Variants in NDST1 observed in about 807,000 individuals in gnomAD.
NDST1 encodes bifunctional heparan sulfate N-deacetylase/N-sulfotransferase 1.
A neutral mutation model predicts 92.8 loss-of-function variants in NDST1; 35 were observed. The observed-to-expected ratio is 0.38, with a 90% confidence interval of 0.29 to 0.50. The LOEUF (loss-of-function observed/expected upper bound fraction) is 0.50, where lower values mean the gene tolerates loss of function less well. Among genes scored for constraint, NDST1 ranks in the 20% least tolerant of loss-of-function variants. The pLI is 0.94. For synonymous variants in NDST1, 493 were observed against 500.3 expected (o/e 0.99, Z 0.19); for missense variants, 822 against 1,182.7 (o/e 0.69, Z 4.47).
At chr5:150,500,521 G>A (rs1206625257) in intron 1 of NDST1, among the ~76,000 whole-genome samples, 1 of 152,242 alleles carries the variant, frequency 6.6e-6, no homozygotes, top group Non-Finnish European at 1.5e-5. Context: ...TGGGGCAGGT[G>A]CCAGTGTCTG....
At chr5:150,499,523 C>T (rs1042540661) in intron 1 of NDST1, among the ~76,000 whole-genome samples, 1 of 152,216 alleles carries the variant, frequency 6.6e-6, no homozygotes, top group Non-Finnish European at 1.5e-5. Context: ...TCCCTCGAAG[C>T]ATGGAAGCAT....
chr5:150,540,205 G>C lies in NDST1; in HGVS notation c.1690G>C (p.Val564Leu), dbSNP rs774976739. The C allele has an allele frequency of 6.5e-5, 105 of 1,614,020 alleles. 4 individuals are homozygous for C. The Middle Eastern group carries it at 9.9e-4, about 15-fold the overall frequency. ...CCTCCGGCTGCAGACACTGCCCCCTGTGCAGTTGGCGCAGAAGTACTTCCA... is the reference window on the plus strand; with the variant it reads ...CCTCCGGCTGCAGACACTGCCCCCTCTGCAGTTGGCGCAGAAGTACTTCCA... ...TNLRLQTLPP[V>L]QLAQKYFQIF... Residue 564 changes from valine to leucine, a missense_variant, in exon 8 of 15, where the codon GTG becomes CTG. Coordinates refer to ENST00000261797, the MANE Select transcript of NDST1 (RefSeq NM_001543.5).
Position 150,542,997 on chromosome 5 carries a change from G to A in NDST1, c.1970+26G>A, listed in dbSNP as rs186180595. Reference sequence around the variant, plus strand: ...GTGAGTTGGCCTTTCTGTCCACAGCGGGACGGGAAGGCCATCCTGGGGCCT... The same window carrying A: ...GTGAGTTGGCCTTTCTGTCCACAGCAGGACGGGAAGGCCATCCTGGGGCCT... On this transcript the variant is annotated intron_variant, in intron 10 of 14. Coordinates refer to ENST00000261797, the MANE Select transcript of NDST1 (RefSeq NM_001543.5). The A allele has an allele frequency of 1.2e-5, 19 of 1,613,348 alleles. 1 individual carries two copies. The Admixed American group carries it at 1.3e-4, about 11-fold the overall frequency.
chr5:150,510,232 A>G (rs1753661118), intron 1 of NDST1, among the ~76,000 whole-genome samples: 1 of 152,236 alleles, frequency 6.6e-6, no homozygotes, highest in African/African-American at 2.4e-5. Flanking sequence ...GGCTCCTGGC[A>G]CAGCCCCACA....
rs577700257 is a variant in NDST1 at position 150,509,892 on chromosome 5, T to C, written c.-388+1666T>C. Among the ~76,000 whole-genome samples, 8 of 152,322 alleles carry C rather than the reference T, an allele frequency of 5.3e-5. No individual in the cohort carries two copies. In the South Asian group the frequency reaches 1.7e-3, roughly 32 times the overall value. On this transcript the variant is annotated intron_variant, in intron 1 of 14. Transcript: ENST00000261797. Reference sequence around the variant, plus strand: ...AGTCCTGCCTTGCTGGGTTCCATGGTGCACCTCTCTGCAGTGCAGGCTTTC... The same window carrying C: ...AGTCCTGCCTTGCTGGGTTCCATGGCGCACCTCTCTGCAGTGCAGGCTTTC...
intron 9 of NDST1, among the ~76,000 whole-genome samples, chr5:150,542,631 T>C (rs996901025): frequency 6.6e-6 from 1 of 152,230 alleles, no homozygotes; most frequent in African/African-American, 2.4e-5. Flanking sequence ...ATGTCCGTAG[T>C]AGGTACAGGA....
chr5:150,540,895 A>T (rs1394665730), intron 8 of NDST1, among the ~76,000 whole-genome samples: 1 of 152,226 alleles, frequency 6.6e-6, no homozygotes, highest in Non-Finnish European at 1.5e-5. Context: ...AGGCTCTTAG[A>T]TAATCTCTTG....
chr5:150,544,707 T>A (rs920472892), intron 10 of NDST1, among the ~76,000 whole-genome samples: 1 of 152,220 alleles, frequency 6.6e-6, no homozygotes, highest in Non-Finnish European at 1.5e-5. Context: ...CAGAGGTTCC[T>A]TCATCCAGAG....
intron 3 of NDST1, 37 bp from the exon 4 acceptor site, chr5:150,532,908 T>A (rs1231637610): frequency 6.3e-7 from 1 of 1,587,332 alleles, no homozygotes; most frequent in Non-Finnish European, 8.7e-7. Flanking sequence ...GCTCCTGGCT[T>A]TCCCTCACTC....
intron 1 of NDST1, among the ~76,000 whole-genome samples, chr5:150,520,513 C>T (rs545504632): frequency 4.6e-4 from 70 of 152,288 alleles, no homozygotes; most frequent in African/African-American, 1.4e-3. Context: ...TCTCCCCATC[C>T]GTCCTGCTCC....
intron 5 of NDST1, 93 bp from the exon 6 acceptor site, chr5:150,535,607 C>A: frequency 6.7e-7 from 1 of 1,488,064 alleles, no homozygotes; most frequent in Non-Finnish European, 9.4e-7. Flanking sequence ...CCGACCTAAC[C>A]TCTGATTTCT....
chr5:150,532,015 A>G (rs982604213), intron 3 of NDST1, among the ~76,000 whole-genome samples: 1 of 152,162 alleles, frequency 6.6e-6, no homozygotes, highest in African/African-American at 2.4e-5. Flanking sequence ...GCAAAGAGAA[A>G]TCCTCCACAT....
At chr5:150,538,166 T>A (rs1407431232) in intron 6 of NDST1, among the ~76,000 whole-genome samples, 2 of 152,080 alleles carry the variant, frequency 1.3e-5, no homozygotes, top group African/African-American at 4.8e-5. Context: ...CTGGCTGTGT[T>A]TGAAGGCCAA....
chr5:150,539,533 G>T, intron 7 of NDST1, 177 bp downstream of exon 7: 1 of 1,479,426 alleles, frequency 6.8e-7, no homozygotes, highest in Non-Finnish European at 8.9e-7. Flanking sequence ...CTTGGCTAAA[G>T]AATCCGAGCA....
rs77013433 is a variant in NDST1 at position 150,542,996 on chromosome 5, C to T, written c.1970+25C>T. On this transcript the variant is annotated intron_variant, in intron 10 of 14. Transcript: ENST00000261797. ...GGTGAGTTGGCCTTTCTGTCCACAG[C>T]GGGACGGGAAGGCCATCCTGGGGCC... 1,574 of 1,613,236 alleles carry T rather than the reference C, an allele frequency of 9.8e-4. 27 individuals are homozygous for T. In the East Asian group the frequency reaches 0.023, roughly 24 times the overall value.
chr5:150,526,593 G>C (rs1247738566), intron 2 of NDST1, among the ~76,000 whole-genome samples: 1 of 152,316 alleles, frequency 6.6e-6, no homozygotes, highest in East Asian at 1.9e-4. Context: ...ACCTTAAGGG[G>C]TTGCAGGCTG....
chr5:150,542,258 C>T (rs755405590), intron 9 of NDST1, among the ~76,000 whole-genome samples: 1 of 152,186 alleles, frequency 6.6e-6, no homozygotes, highest in Non-Finnish European at 1.5e-5. Context: ...TCCTTCTCTT[C>T]TGGGCTCTCT....
chr5:150,523,890 T>C (rs1403166786), intron 2 of NDST1, among the ~76,000 whole-genome samples: 4 of 152,220 alleles, frequency 2.6e-5, no homozygotes, highest in African/African-American at 9.7e-5. Context: ...AGGACAAGAC[T>C]ATCCTTGGTT....
chr5:150,539,109 C>A, intron 6 of NDST1, 119 bp from the exon 7 acceptor site: 1 of 820,452 alleles, frequency 1.2e-6, no homozygotes. Context: ...AGGGGCTGTG[C>A]GACCACATGG....
Sources: allele counts gnomAD v4.1 joint callset (sites outside exome capture counted in the v4.1 genomes callset), GRCh38; gene constraint gnomAD v4.1.1; transcripts MANE v1.5; gene names NCBI Gene and HGNC (gene_info 2026-07-23, HGNC 2026-07-21).